SCAPER: variants seen among roughly 807,000 people sequenced by gnomAD.
The protein encoded by SCAPER is S phase cyclin A-associated protein in the endoplasmic reticulum.
Under a neutral mutation model 182.2 loss-of-function variants are expected in SCAPER, and 98 were observed. That is an observed-to-expected ratio of 0.54 (90% CI 0.46 to 0.64). SCAPER has a LOEUF of 0.64. Among genes scored for constraint, SCAPER ranks in the 30% least tolerant of loss-of-function variants. SCAPER has a pLI of 0.00. For synonymous variants in SCAPER, 605 were observed against 564.6 expected, an observed-to-expected ratio of 1.07 and a Z score of -1.01; for missense variants, 1,432 against 1,690.0, an observed-to-expected ratio of 0.85 and a Z score of 2.68.
At chr15:76,623,017 T>G (rs1432788948) in intron 21 of SCAPER, among the ~76,000 whole-genome samples, 1 of 152,300 alleles carries the variant, frequency 6.6e-6, no homozygotes, top group Non-Finnish European at 1.5e-5. Context: ...CCCGTGAGCA[T>G]TTTTTATGTC....
At chr15:76,797,363 T>C (rs141449095) in intron 7 of SCAPER, 209 of 152,228 alleles carry the variant, frequency 1.4e-3, no homozygotes, top group African/African-American at 4.9e-3. Flanking sequence ...GAGATTGAAA[T>C]ACCATTTGAA....
chr15:76,787,009 A>G (rs1483789479), intron 8 of SCAPER, among the ~76,000 whole-genome samples: 2 of 152,212 alleles, frequency 1.3e-5, no homozygotes, highest in African/African-American at 4.8e-5. Flanking sequence ...GGGACATTCC[A>G]TGTTCATAGG....
At chr15:76,604,706 C>T (rs558803066) in intron 22 of SCAPER, among the ~76,000 whole-genome samples, 12 of 152,038 alleles carry the variant, frequency 7.9e-5, no homozygotes, top group Non-Finnish European at 1.8e-4. Flanking sequence ...TTTCACTGAG[C>T]AGTGGTTTGT....
intron 22 of SCAPER, among the ~76,000 whole-genome samples, chr15:76,589,982 C>A (rs1045215324): frequency 1.3e-5 from 2 of 152,174 alleles, no homozygotes; most frequent in African/African-American, 4.8e-5. Context: ...TGGGGGTGGA[C>A]CATCCTCCTT....
At chr15:76,480,534 T>A (rs1025809463) in intron 24 of SCAPER, among the ~76,000 whole-genome samples, 54 of 152,292 alleles carry the variant, frequency 3.5e-4, no homozygotes, top group Admixed American at 1.5e-3. Context: ...TATATTCTGT[T>A]ACATAACCAG....
chr15:76,900,700 A>G (rs1048353481), intron 1 of SCAPER, among the ~76,000 whole-genome samples: 2 of 152,212 alleles, frequency 1.3e-5, no homozygotes, highest in Non-Finnish European at 2.9e-5. Context: ...GAAAAGGCAT[A>G]TCTTTTCTTT....
intron 24 of SCAPER, among the ~76,000 whole-genome samples, chr15:76,489,589 T>C (rs480672): frequency 0.21 from 31,441 of 151,996 alleles, 4,087 homozygotes; most frequent in African/African-American, 0.37. Flanking sequence ...ATCCATGTTG[T>C]TGCATACATC....
At chr15:76,478,339 C>T (rs541273648) in intron 24 of SCAPER, among the ~76,000 whole-genome samples, 2 of 151,834 alleles carry the variant, frequency 1.3e-5, no homozygotes, top group South Asian at 4.2e-4. Flanking sequence ...ATATCTTTTT[C>T]CAGCTTAACT....
At chr15:76,442,991 T>C (rs1165020884) in intron 25 of SCAPER, among the ~76,000 whole-genome samples, 2 of 152,100 alleles carry the variant, frequency 1.3e-5, no homozygotes, top group African/African-American at 2.4e-5. Context: ...GGCATGTGTA[T>C]TGATGCAAAT....
At chr15:76,505,033 A>C in intron 23 of SCAPER, 59 bp from the exon 24 acceptor site, 2 of 1,191,708 alleles carry the variant, frequency 1.7e-6, no homozygotes, top group Non-Finnish European at 2.4e-6. Flanking sequence ...CTATAACCAA[A>C]TGATATCTGT....
chr15:76,504,293 A>G (rs144198290), intron 24 of SCAPER, among the ~76,000 whole-genome samples: 1 of 152,176 alleles, frequency 6.6e-6, no homozygotes, highest in Admixed American at 6.6e-5. Flanking sequence ...AATACTTCTG[A>G]AACAACATTG....
chr15:76,870,657 G>A (rs957622185), intron 2 of SCAPER, among the ~76,000 whole-genome samples: 2 of 151,816 alleles, frequency 1.3e-5, no homozygotes, highest in African/African-American at 4.8e-5. Context: ...AGAAATTAGT[G>A]AATTAGTTAG....
At chr15:76,537,375 G>A (rs963708751) in intron 23 of SCAPER, among the ~76,000 whole-genome samples, 54 of 152,232 alleles carry the variant, frequency 3.5e-4, no homozygotes, top group African/African-American at 1.3e-3. Context: ...CAGAGATACA[G>A]ATCAATGGAA....
At chr15:76,706,075 T>C in intron 17 of SCAPER, 91 bp from the exon 18 acceptor site, 1 of 980,664 alleles carries the variant, frequency 1.0e-6, no homozygotes, top group Non-Finnish European at 1.5e-6. Flanking sequence ...CATAGGGTCA[T>C]ATAGTCTAAA....
intron 22 of SCAPER, 80 bp downstream of exon 22, chr15:76,621,684 G>A: frequency 8.9e-7 from 1 of 1,125,700 alleles, no homozygotes; most frequent in South Asian, 1.4e-5. Flanking sequence ...CCTTATTACA[G>A]ACATAACATG....
intron 25 of SCAPER, among the ~76,000 whole-genome samples, chr15:76,436,501 C>T (rs920702088): frequency 2.0e-5 from 3 of 151,878 alleles, no homozygotes; most frequent in Non-Finnish European, 4.4e-5. Flanking sequence ...TTTTTTGTTT[C>T]ATCAATTATA....
intron 8 of SCAPER, among the ~76,000 whole-genome samples, chr15:76,780,737 C>A (rs2064070114): frequency 6.6e-6 from 1 of 152,212 alleles, no homozygotes; most frequent in Non-Finnish European, 1.5e-5. Context: ...GATACCCAGG[C>A]AAACAGGTTC....
intron 20 of SCAPER, among the ~76,000 whole-genome samples, chr15:76,696,354 C>G (rs956385823): frequency 6.6e-6 from 1 of 152,020 alleles, no homozygotes; most frequent in Non-Finnish European, 1.5e-5. Flanking sequence ...CATATATTGT[C>G]CATGGAAACT....
intron 25 of SCAPER, among the ~76,000 whole-genome samples, chr15:76,462,497 CTAATGTTGTACATAGGATTCTATGTGCAT>C (rs1225518877): frequency 6.6e-6 from 1 of 152,084 alleles, no homozygotes; most frequent in African/African-American, 2.4e-5. Flanking sequence ...TATATATTCT[CTAATGTTGTACATAGGATTCTATGTGCAT>C]TAAACTGTTA....
Sources: allele counts gnomAD v4.1 joint callset (sites outside exome capture counted in the v4.1 genomes callset), GRCh38; gene constraint gnomAD v4.1.1; transcripts MANE v1.5; gene names NCBI Gene and HGNC (gene_info 2026-07-23, HGNC 2026-07-21).